PAQR5: variants seen among roughly 807,000 people sequenced by gnomAD.
The protein encoded by PAQR5 is progestin and adipoQ receptor family member 5.
In PAQR5, 20 loss-of-function variants were observed where a neutral mutation model predicts 34.5. The ratio of observed to expected loss-of-function variants is 0.58; its 90% CI spans 0.41 to 0.84. The LOEUF is 0.84. PAQR5 is among the 40% of genes least tolerant of loss of function. The pLI is 0.00. For synonymous variants in PAQR5, 131 were observed against 155.6 expected, an observed-to-expected ratio of 0.84 and a Z score of 1.18; for missense variants, 378 against 412.7, an observed-to-expected ratio of 0.92 and a Z score of 0.73.
intron 5 of PAQR5, among the ~76,000 whole-genome samples, chr15:69,387,683 G>A (rs1330166791): frequency 3.3e-5 from 5 of 152,164 alleles, no homozygotes; most frequent in Non-Finnish European, 7.4e-5. Flanking sequence ...CCAGAGTGAG[G>A]ACTGAAGCCC....
At chr15:69,348,158 C>A (rs1174264403) in intron 2 of PAQR5, among the ~76,000 whole-genome samples, 2 of 152,088 alleles carry the variant, frequency 1.3e-5, no homozygotes, top group African/African-American at 4.8e-5. Context: ...AGGTCCCTAA[C>A]TTTGGGACAC....
rs577298074 is a variant in PAQR5 at position 69,397,321 on chromosome 15, G to C, written c.513-147G>C. ...TGGGGTGGGAGGAATGGACGAGGCT[G>C]GTGGAGAAGCTGCTGGCCACAGGAG... On this transcript the variant is annotated intron_variant, in intron 6 of 8. Coordinates refer to ENST00000395407, the MANE Select transcript of PAQR5 (RefSeq NM_017705.4). 3 of 719,412 alleles carry C rather than the reference G, an allele frequency of 4.2e-6. No homozygotes were observed. In the East Asian group the frequency reaches 7.8e-5, roughly 19 times the overall value. The allele number at this position is 719,412 out of a possible 1,614,324, so 44.6% of individuals were successfully genotyped here.
At chr15:69,377,171 A>G (rs781722314) in intron 3 of PAQR5, among the ~76,000 whole-genome samples, 4 of 152,248 alleles carry the variant, frequency 2.6e-5, no homozygotes, top group Non-Finnish European at 5.9e-5. Flanking sequence ...CAGTGCTTTA[A>G]TTAATAATTA....
intron 4 of PAQR5, 72 bp from the exon 5 acceptor site, chr15:69,384,605 T>C (rs11637493): frequency 0.9 from 352,044 of 392,768 alleles, 165,702 homozygotes; most frequent in South Asian, 0.96. Context: ...GCGGGTCCTC[T>C]GTGTTCATGG....
intron 4 of PAQR5, among the ~76,000 whole-genome samples, chr15:69,381,424 G>A (rs2055881546): frequency 6.6e-6 from 1 of 152,190 alleles, no homozygotes; most frequent in South Asian, 2.1e-4. Context: ...TGGAACATCT[G>A]CTTGGTGTTC....
intron 1 of PAQR5, among the ~76,000 whole-genome samples, chr15:69,334,285 T>C (rs1428952335): frequency 6.6e-6 from 1 of 152,144 alleles, no homozygotes; most frequent in African/African-American, 2.4e-5. Context: ...ACCTCGGCCT[T>C]CCAAAGTGCT....
intron 1 of PAQR5, among the ~76,000 whole-genome samples, chr15:69,333,227 C>T (rs1170021094): frequency 2.0e-5 from 3 of 152,054 alleles, no homozygotes; most frequent in Non-Finnish European, 4.4e-5. Flanking sequence ...GGAGGCACCA[C>T]GAACCCCGTT....
intron 1 of PAQR5, among the ~76,000 whole-genome samples, chr15:69,322,365 G>A (rs900891503): frequency 6.7e-6 from 1 of 149,198 alleles, no homozygotes; most frequent in African/African-American, 2.5e-5. Flanking sequence ...GCGGGCACCT[G>A]TAATCCCAGC....
Position 69,404,145 on chromosome 15 carries a change from G to A in PAQR5, c.*323G>A, listed in dbSNP as rs150425795. 2.0e-4 allele frequency: 50 copies of A among 245,122 alleles called. No homozygotes were observed. Among genetic ancestry groups the A allele is most frequent in the African/African-American group, 1.1e-3 (48 of 43,654 alleles). 15.2% of individuals were successfully genotyped at this position (245,122 alleles called of 1,614,324 possible). A position where few individuals can be genotyped will look rare whatever the true frequency, so the allele number is the denominator to read the frequency against. On this transcript the variant is annotated 3_prime_UTR_variant, in exon 9 of 9. Coordinates refer to ENST00000395407, the MANE Select transcript of PAQR5 (RefSeq NM_017705.4). ...ACATTTGGATTAAGCATATTACTCT[G>A]GAGCTTTGTATTATTCTTTAAAAAT...
chr15:69,314,898 G>C (rs2053911649), intron 1 of PAQR5: 1 of 154,692 alleles, frequency 6.5e-6, no homozygotes, highest in African/African-American at 2.4e-5. Context: ...CTCCTGCTTT[G>C]GGGGAGCTGA....
chr15:69,398,629 C>T (rs534966023), intron 7 of PAQR5, among the ~76,000 whole-genome samples: 2 of 152,310 alleles, frequency 1.3e-5, no homozygotes, highest in Admixed American at 6.5e-5. Flanking sequence ...TGAGCACGTT[C>T]TCTGTGCTCT....
chr15:69,328,757 C>G (rs1386749312), intron 1 of PAQR5, among the ~76,000 whole-genome samples: 1 of 152,216 alleles, frequency 6.6e-6, no homozygotes, highest in African/African-American at 2.4e-5. Flanking sequence ...CACCCATCCC[C>G]CTGGGTCTGC....
intron 3 of PAQR5, among the ~76,000 whole-genome samples, chr15:69,363,994 G>A (rs192709053): frequency 6.6e-6 from 1 of 152,234 alleles, no homozygotes; most frequent in East Asian, 1.9e-4. Context: ...GAAAAGCAAC[G>A]CCGTTTCCAG....
At position 69,359,972 on chromosome 15, in the gene PAQR5, G is replaced by C. The variant is rs756410431; in HGVS notation, c.-109G>C. The C allele has an allele frequency of 2.4e-5, 19 of 794,944 alleles. No individual in the cohort carries two copies. The highest frequency in any genetic ancestry group is 3.7e-5 in the Non-Finnish European group (17 of 463,182). The allele number at this position is 794,944 out of a possible 1,614,324, so 49.2% of individuals were successfully genotyped here. A position where few individuals can be genotyped will look rare whatever the true frequency, so the allele number is the denominator to read the frequency against. ...TCATGCTGTCCTCTTTCAGGGAAGC[G>C]GCACAGCACCAGCTAGGCAGAGACG... is the stretch of plus-strand genomic sequence containing the variant. On this transcript the variant is annotated 5_prime_UTR_variant, in exon 3 of 9. Transcript: ENST00000395407.
intron 6 of PAQR5, 130 bp from the exon 7 acceptor site, chr15:69,397,338 C>A (rs2056471579): frequency 4.0e-6 from 3 of 741,348 alleles, no homozygotes; most frequent in Non-Finnish European, 7.5e-6. Context: ...AAGCTGCTGG[C>A]CACAGGAGCT....
At chr15:69,329,007 C>T (rs1021732773) in intron 1 of PAQR5, among the ~76,000 whole-genome samples, 4 of 152,246 alleles carry the variant, frequency 2.6e-5, no homozygotes, top group African/African-American at 7.2e-5. Flanking sequence ...ATGACTCTGT[C>T]CCACCACTTG....
chr15:69,301,325 A>G (rs557818664), intron 1 of PAQR5, among the ~76,000 whole-genome samples: 42 of 152,150 alleles, frequency 2.8e-4, no homozygotes, highest in African/African-American at 9.6e-4. Flanking sequence ...TTCCAGAGAG[A>G]CAGAGGACTT....
chr15:69,300,949 T>C lies in PAQR5; in HGVS notation c.-277+1893T>C, dbSNP rs1253058361. On this transcript the variant is annotated intron_variant, in intron 1 of 8. Transcript: ENST00000395407. ...TCTCTCTCTCTCTCTCTTTCTTTCCTTCTTTCTTTCTTTCTTTCTTTCTTT... is the reference window on the plus strand; with the variant it reads ...TCTCTCTCTCTCTCTCTTTCTTTCCCTCTTTCTTTCTTTCTTTCTTTCTTT... 8.7e-4 allele frequency among the ~76,000 whole-genome samples: 23 copies of C among 26,572 alleles called. 4 individuals carry two copies. Among genetic ancestry groups the C allele is most frequent in the African/African-American group, 3.1e-3 (22 of 7,014 alleles). 17.4% of individuals were successfully genotyped at this position (26,572 alleles called of 152,430 possible).
chr15:69,322,461 C>T (rs1180757290), intron 1 of PAQR5, among the ~76,000 whole-genome samples: 2 of 147,948 alleles, frequency 1.4e-5, no homozygotes, highest in African/African-American at 5.1e-5. Flanking sequence ...AGAGGGAGAC[C>T]CCGTCTCAAA....
Sources: gnomAD v4.1 joint callset for allele counts (sites outside exome capture counted in the v4.1 genomes callset) on GRCh38, gnomAD v4.1.1 for gene constraint, MANE v1.5 for transcripts, NCBI Gene and HGNC (gene_info 2026-07-23, HGNC 2026-07-21) for gene names.